The following SETX variants were observed in gnomAD, a reference collection of about 807,000 sequenced individuals.
SETX encodes the protein helicase senataxin.
SETX carries 90 observed loss-of-function variants against 227.2 expected under a neutral mutation model. That is an observed-to-expected ratio of 0.40 (90% CI 0.33 to 0.47). The LOEUF (loss-of-function observed/expected upper bound fraction) is 0.47. Ranked by LOEUF, SETX falls within the 20% of genes least tolerant of loss-of-function variation. SETX has a pLI of 0.91. For missense variants in SETX, 3,052 were observed against 3,181.5 expected, an observed-to-expected ratio of 0.96 and a Z score of 0.98; for synonymous variants, 1,210 against 1,113.2, an observed-to-expected ratio of 1.09 and a Z score of -1.73.
At chr9:132,268,071 AAT>A (rs1842731238) in intron 25 of SETX, among the ~76,000 whole-genome samples, 1 of 152,268 alleles carries the variant, frequency 6.6e-6, no homozygotes, top group Non-Finnish European at 1.5e-5. Flanking sequence ...CAACTGTACA[AAT>A]AAGTGTTAAC....
chr9:132,327,619 T>G lies in SETX; in HGVS notation c.3979A>C (p.Lys1327Gln). Residue 1327 changes from lysine (K) to glutamine (Q), a missense_variant, in exon 10 of 26, where the codon AAA becomes CAA. Coordinates refer to ENST00000224140, the MANE Select transcript of SETX (RefSeq NM_015046.7). ...GACAGGTTCTGAGGAGAAATTAATT[T>G]AGTCTTTTTTCGGGTATCAACTACT... Reference protein sequence around the residue: ...VGVVDTRKKTKLISPQNLSVR... With the variant: ...VGVVDTRKKTQLISPQNLSVR... 1.2e-6 allele frequency: 2 copies of G among 1,614,016 alleles called. No individual in the cohort carries two copies. Among genetic ancestry groups the G allele is most frequent in the Non-Finnish European group, 1.7e-6 (2 of 1,179,980 alleles).
rs34908151 is a variant in SETX at position 132,313,931 on chromosome 9, T to G, written c.5275-2075A>C. Among the ~76,000 whole-genome samples the G allele has an allele frequency of 1.8e-3, 63 of 34,738 alleles. 1 individual carries two copies. In the African/African-American group the frequency reaches 0.022, roughly 12 times the overall value. The allele number at this position is 34,738 out of a possible 152,430, so 22.8% of individuals were successfully genotyped here. On this transcript the variant is annotated intron_variant, in intron 10 of 25. Transcript: ENST00000224140. ...CAATGTGGCCTTCCAAGTTTTTTGG[T>G]TTTTTTTTTTGTTTTTTGAGATGCA...
chr9:132,282,156 T>C (rs1589634424), intron 19 of SETX, among the ~76,000 whole-genome samples: 1 of 149,900 alleles, frequency 6.7e-6, no homozygotes, highest in South Asian at 2.1e-4. Context: ...CCACTACCAC[T>C]TGGGAACCAG....
In SETX at chr9:132,283,288, G is replaced by A; in HGVS notation, c.6522C>T (p.Pro2174=). 1 of 1,614,144 alleles carries A rather than the reference G, an allele frequency of 6.2e-7. No homozygotes were observed. Among genetic ancestry groups the A allele is most frequent in the Non-Finnish European group, 8.5e-7 (1 of 1,180,006 alleles). Residue 2174 remains proline, a synonymous_variant, in exon 19 of 26, where the codon CCC becomes CCT. Transcript: ENST00000224140. The stretch of plus-strand genomic sequence containing the variant: ...CCTCATCAACAATGACACAGCTGAA[G>A]GGGACACCCCCTTGCCCACGGAAAG... The part of the protein sequence containing the change: ...ESAFRGQGGV[P]FSCVIVDEAG...
At chr9:132,344,873 A>G (rs1242972652) in intron 4 of SETX, among the ~76,000 whole-genome samples, 2 of 133,256 alleles carry the variant, frequency 1.5e-5, no homozygotes, top group Non-Finnish European at 3.3e-5. Context: ...ACTCTTTAAA[A>G]AAAAAAAAAA....
chr9:132,295,127 A>T (rs1844594044), intron 15 of SETX, among the ~76,000 whole-genome samples: 1 of 152,310 alleles, frequency 6.6e-6, no homozygotes, highest in African/African-American at 2.4e-5. Flanking sequence ...AATAAAATGA[A>T]ATAATTTCAC....
chr9:132,338,460 G>A (rs1173789953), intron 5 of SETX, among the ~76,000 whole-genome samples: 1 of 152,132 alleles, frequency 6.6e-6, no homozygotes, highest in Non-Finnish European at 1.5e-5. Context: ...TTTCATGTAA[G>A]ACAATGAAAT....
Position 132,275,415 on chromosome 9 carries a change from T to C in SETX, c.6941A>G (p.Tyr2314Cys), listed in dbSNP as rs770291415. 5.6e-6 allele frequency: 9 copies of C among 1,595,358 alleles called. No individual in the cohort carries two copies. Among genetic ancestry groups the C allele is most frequent in the East Asian group, 2.2e-5 (1 of 44,712 alleles). The part of the protein sequence containing the change: ...DGSERRDNDS[Y>C]INVQEIKLVM... ...CAGTTTTATTTCTTGAACATTTATA[T>C]ATGAGCTAAACAAGATGGAAAAAGA... Residue 2314 changes from tyrosine (Y) to cysteine (C), a missense_variant, in exon 23 of 26, where the codon TAT (tyrosine) becomes TGT (cysteine). Coordinates refer to ENST00000224140, the MANE Select transcript of SETX (RefSeq NM_015046.7).
rs1222667346 is a variant in SETX at position 132,261,928 on chromosome 9, TTCAA to T, written c.*2307_*2310del. 1.4e-4 allele frequency: 22 copies of T among 154,524 alleles called. No homozygotes were observed. The highest frequency in any genetic ancestry group is 5.0e-4 in the African/African-American group (21 of 41,654). The allele number at this position is 154,524 out of a possible 1,614,324, so 9.6% of individuals were successfully genotyped here. ...ACACCTTGTAAAAAGAATAGCCCTGTTCAACAACGCTGCGCTGACAGCCACATCA... is the reference window on the plus strand; with the variant it reads ...ACACCTTGTAAAAAGAATAGCCCTGTCAACGCTGCGCTGACAGCCACATCA... On this transcript the variant is annotated 3_prime_UTR_variant, in exon 26 of 26. Transcript: ENST00000224140.
intron 4 of SETX, among the ~76,000 whole-genome samples, chr9:132,345,906 C>G (rs1848258078): frequency 6.6e-6 from 1 of 152,132 alleles, no homozygotes. Flanking sequence ...GTACTCCCAG[C>G]TACCCACAAG....
At chr9:132,349,203 T>C (rs1848472880) in intron 3 of SETX, 49 bp downstream of exon 3, 1 of 1,559,300 alleles carries the variant, frequency 6.4e-7, no homozygotes, top group African/African-American at 1.4e-5. Flanking sequence ...ACTTACTCTC[T>C]TCCCAGCTAT....
chr9:132,286,729 A>C (rs1199878328), intron 17 of SETX, among the ~76,000 whole-genome samples: 1 of 152,192 alleles, frequency 6.6e-6, no homozygotes, highest in Non-Finnish European at 1.5e-5. Flanking sequence ...CAGCACTGGG[A>C]GCATCACGCC....
At chr9:132,333,073 T>C (rs968114110) in intron 7 of SETX, among the ~76,000 whole-genome samples, 13 of 151,366 alleles carry the variant, frequency 8.6e-5, no homozygotes, top group Non-Finnish European at 2.9e-5. Flanking sequence ...TCAGACATAA[T>C]CTAGCAAGAA....
At chr9:132,321,998 T>A (rs1204548289) in intron 10 of SETX, among the ~76,000 whole-genome samples, 2 of 152,150 alleles carry the variant, frequency 1.3e-5, no homozygotes, top group Non-Finnish European at 2.9e-5. Context: ...AAAATACAGA[T>A]TATAACTGCA....
intron 15 of SETX, among the ~76,000 whole-genome samples, 164 bp from the exon 16 acceptor site, chr9:132,288,815 T>G (rs1844097472): frequency 6.6e-6 from 1 of 152,204 alleles, no homozygotes; most frequent in Non-Finnish European, 1.5e-5. Flanking sequence ...ACAAACTTCT[T>G]ATACATTATT....
At chr9:132,352,684 T>C (rs774358268) in intron 2 of SETX, among the ~76,000 whole-genome samples, 13 of 152,194 alleles carry the variant, frequency 8.5e-5, no homozygotes, top group Non-Finnish European at 1.2e-4. Flanking sequence ...ACCTACTCAA[T>C]AACTGACAGC....
chr9:132,325,076 G>A (rs1222496379), intron 10 of SETX, among the ~76,000 whole-genome samples: 1 of 152,220 alleles, frequency 6.6e-6, no homozygotes, highest in Non-Finnish European at 1.5e-5. Context: ...GAAACTGGCG[G>A]CCAGACGCAG....
At chr9:132,349,507 T>C in intron 2 of SETX, 72 bp from the exon 3 acceptor site, 1 of 1,457,918 alleles carries the variant, frequency 6.9e-7, no homozygotes, top group Non-Finnish European at 9.6e-7. Context: ...ATAGGTACAC[T>C]TTCAACTTGT....
chr9:132,325,250 G>A (rs1055972488), intron 10 of SETX, among the ~76,000 whole-genome samples: 3 of 152,130 alleles, frequency 2.0e-5, no homozygotes, highest in Admixed American at 6.5e-5. Context: ...CAGCTACTCG[G>A]GAGGCTGAGG....
Sources: gnomAD v4.1 joint callset for allele counts (sites outside exome capture counted in the v4.1 genomes callset) on GRCh38, gnomAD v4.1.1 for gene constraint, MANE v1.5 for transcripts, NCBI Gene and HGNC (gene_info 2026-07-23, HGNC 2026-07-21) for gene names.